The following SV2C variants were observed in gnomAD, a reference collection of about 807,000 sequenced individuals.
The protein encoded by SV2C is synaptic vesicle glycoprotein 2C.
Under a neutral mutation model 79.7 loss-of-function variants are expected in SV2C, and 49 were observed. That is an observed-to-expected ratio of 0.61 (90% CI 0.49 to 0.78). The LOEUF (loss-of-function observed/expected upper bound fraction) is 0.78, where lower values mean the gene tolerates loss of function less well. Among genes scored for constraint, SV2C ranks in the 30% least tolerant of loss-of-function variants. The pLI is 0.00. For missense variants in SV2C, 833 were observed against 912.9 expected, an observed-to-expected ratio of 0.91 and a Z score of 1.13; for synonymous variants, 334 against 333.2, an observed-to-expected ratio of 1.00 and a Z score of -0.03.
chr5:76,174,269 G>A lies in SV2C; in HGVS notation c.581-20650G>A, dbSNP rs1297905860. The A allele has an allele frequency of 9.5e-6, 13 of 1,374,418 alleles. No individual in the cohort carries two copies. In the East Asian group the frequency reaches 1.2e-4, roughly 12 times the overall value. The allele number at this position is 1,374,418 out of a possible 1,614,324, so 85.1% of individuals were successfully genotyped here. On this transcript the variant is annotated intron_variant, in intron 2 of 12. Coordinates refer to ENST00000502798, the MANE Select transcript of SV2C (RefSeq NM_014979.4). ...CAGCCAGCGTCGCCCCGTGCTCCCCGCGGGTCGCTACTCTAGGCGCCACGG... is the reference window on the plus strand; with the variant it reads ...CAGCCAGCGTCGCCCCGTGCTCCCCACGGGTCGCTACTCTAGGCGCCACGG...
chr5:76,085,826 T>TACACACACACACACACACACACACACAC (rs34074817), intron 1 of SV2C, among the ~76,000 whole-genome samples: 98 of 141,968 alleles, frequency 6.9e-4, no homozygotes, highest in Non-Finnish European at 9.3e-4. Context: ...ACAAAGCCCC[T>TACACACACACACACACACACACACACAC]ACACACACAC....
chr5:76,017,571 G>A, the SV2C span, among the ~76,000 whole-genome samples: 1 of 152,152 alleles, frequency 6.6e-6, no homozygotes, highest in Admixed American at 6.6e-5. Context: ...GAGCCACTGA[G>A]CCAGGCTATC....
the SV2C span, among the ~76,000 whole-genome samples, chr5:76,056,764 A>C: frequency 1.3e-5 from 2 of 149,158 alleles, no homozygotes; most frequent in Non-Finnish European, 3.0e-5. Flanking sequence ...GAATTTATCC[A>C]TTTCTTCTAG....
intron 2 of SV2C, among the ~76,000 whole-genome samples, chr5:76,155,697 A>G (rs1431709596): frequency 1.3e-5 from 2 of 152,108 alleles, no homozygotes; most frequent in Admixed American, 6.6e-5. Context: ...GGTTTCTCAC[A>G]GGAAGAAGCA....
intron 4 of SV2C, among the ~76,000 whole-genome samples, chr5:76,247,344 A>T (rs969636867): frequency 6.6e-6 from 1 of 152,238 alleles, no homozygotes; most frequent in Non-Finnish European, 1.5e-5. Context: ...TCCCGTGGCC[A>T]TATGCTGTGA....
At chr5:75,987,412 G>T in the SV2C span, among the ~76,000 whole-genome samples, 1 of 151,850 alleles carries the variant, frequency 6.6e-6, no homozygotes, top group Non-Finnish European at 1.5e-5. Context: ...ACAGGATTCA[G>T]GTACAACATC....
At chr5:76,222,232 T>C (rs1340024138) in intron 4 of SV2C, among the ~76,000 whole-genome samples, 1 of 152,186 alleles carries the variant, frequency 6.6e-6, no homozygotes, top group Non-Finnish European at 1.5e-5. Flanking sequence ...TACAACTTTA[T>C]TTGTAACACC....
At chr5:76,301,303 T>C in intron 11 of SV2C, 83 bp from the exon 12 acceptor site, 3 of 1,551,808 alleles carry the variant, frequency 1.9e-6, no homozygotes, top group Non-Finnish European at 2.6e-6. Flanking sequence ...TTCAGTTTTC[T>C]TGAGCAATCC....
intron 4 of SV2C, among the ~76,000 whole-genome samples, chr5:76,274,657 T>G (rs1746967963): frequency 6.7e-6 from 1 of 150,264 alleles, no homozygotes; most frequent in Admixed American, 6.7e-5. Context: ...CACCTACTAC[T>G]TGGCCTTTTT....
At position 76,300,758 on chromosome 5, in the gene SV2C, G is replaced by T; in HGVS notation, c.1666G>T (p.Glu556Ter). Residue 556 changes from glutamate (E) to a stop codon, truncating the protein, a stop_gained, in exon 11 of 13, where the codon GAA becomes TAA. Coordinates refer to ENST00000502798, the MANE Select transcript of SV2C (RefSeq NM_014979.4). LOFTEE classifies it high-confidence loss of function. ...DFEPYKFIDS[E>*]FKNCSFFHNK... ...TGAGCCATATAAATTCATTGACAGTGAATTTAAAAACTGCTCGTTTTTTCA... is the reference window on the plus strand; with the variant it reads ...TGAGCCATATAAATTCATTGACAGTTAATTTAAAAACTGCTCGTTTTTTCA... 1 of 1,614,062 alleles carries T rather than the reference G, an allele frequency of 6.2e-7. No individual in the cohort carries two copies.
At chr5:75,970,219 C>G in the SV2C span, among the ~76,000 whole-genome samples, 8 of 151,854 alleles carry the variant, frequency 5.3e-5, no homozygotes, top group African/African-American at 9.7e-5. Context: ...CAAGAGAAAG[C>G]AGGAAAGATC....
the SV2C span, among the ~76,000 whole-genome samples, chr5:75,998,136 A>G: frequency 1.3e-5 from 2 of 152,248 alleles, 1 homozygote. Context: ...GTGAGAATTG[A>G]ACAATGAGAA....
At chr5:76,053,419 A>G in the SV2C span, among the ~76,000 whole-genome samples, 2 of 151,086 alleles carry the variant, frequency 1.3e-5, no homozygotes, top group Non-Finnish European at 3.0e-5. Flanking sequence ...CTGGAGTTCC[A>G]TATCATTCAG....
At chr5:75,939,233 G>C in the SV2C span, among the ~76,000 whole-genome samples, 1 of 152,114 alleles carries the variant, frequency 6.6e-6, no homozygotes, top group Non-Finnish European at 1.5e-5. Flanking sequence ...TTAAGCAACA[G>C]GTGTTTATTT....
intron 4 of SV2C, among the ~76,000 whole-genome samples, chr5:76,270,988 C>T (rs1481793326): frequency 2.0e-5 from 3 of 152,042 alleles, no homozygotes; most frequent in Non-Finnish European, 4.4e-5. Flanking sequence ...ACGCTGATCT[C>T]GAACTGCTGA....
the SV2C span, among the ~76,000 whole-genome samples, chr5:75,877,459 G>A: frequency 1.6e-4 from 25 of 151,980 alleles, no homozygotes; most frequent in African/African-American, 5.3e-4. Flanking sequence ...ACAGAATATG[G>A]CAATCTTCTC....
chr5:75,898,232 A>C, the SV2C span, among the ~76,000 whole-genome samples: 1 of 152,314 alleles, frequency 6.6e-6, no homozygotes, highest in Non-Finnish European at 1.5e-5. Flanking sequence ...TATTATTTTG[A>C]GATACGTCCC....
At chr5:75,868,707 G>T in the SV2C span, among the ~76,000 whole-genome samples, 1 of 152,102 alleles carries the variant, frequency 6.6e-6, no homozygotes, top group Non-Finnish European at 1.5e-5. Flanking sequence ...AAGGGAATTG[G>T]AGTTGGGGGC....
chr5:76,137,170 A>G (rs1749096952), intron 2 of SV2C, among the ~76,000 whole-genome samples: 1 of 152,200 alleles, frequency 6.6e-6, no homozygotes, highest in Non-Finnish European at 1.5e-5. Context: ...TATATGTATA[A>G]CTCTTAGCAA....
Sources: gnomAD v4.1 joint callset for allele counts (sites outside exome capture counted in the v4.1 genomes callset) on GRCh38, gnomAD v4.1.1 for gene constraint, MANE v1.5 for transcripts, NCBI Gene and HGNC (gene_info 2026-07-23, HGNC 2026-07-21) for gene names.